NCOR2: variants seen among roughly 807,000 people sequenced by gnomAD.
The protein encoded by NCOR2 is CTG repeat protein 26.
Under a neutral mutation model 262.9 loss-of-function variants are expected in NCOR2, and 81 were observed. That is an observed-to-expected ratio of 0.31 (90% CI 0.26 to 0.37). The LOEUF is 0.37. Ranked by LOEUF, NCOR2 falls within the 10% of genes least tolerant of loss-of-function variation. The pLI, the probability that NCOR2 is intolerant of heterozygous loss-of-function variation, is 1.00. For missense variants in NCOR2, 3,385 were observed against 3,621.4 expected (o/e 0.93, Z 1.68); for synonymous variants, 1,659 against 1,559.3 (o/e 1.06, Z -1.51).
At chr12:124,383,408 G>A (rs963811811) in intron 17 of NCOR2, 3 of 383,694 alleles carry the variant, frequency 7.8e-6, no homozygotes, top group South Asian at 1.8e-4. Context: ...CTGCATGTTC[G>A]TCCACGCCAG....
intron 17 of NCOR2, among the ~76,000 whole-genome samples, chr12:124,381,646 TGAG>T (rs2040417120): frequency 6.6e-6 from 1 of 152,232 alleles, no homozygotes; most frequent in Admixed American, 6.5e-5. Context: ...GCTCATGAGT[TGAG>T]GAGCTCAGAT....
At position 124,429,364 on chromosome 12, in the gene NCOR2, G is replaced by A. The variant is rs1239906447; in HGVS notation, c.1149+249C>T. ...TCCCTGTTGTGGCATCTGGATGGGG[G>A]AGCGCCAGGGCCCTCCCTGCAGGGG... On this transcript the variant is annotated intron_variant, in intron 10 of 46. Transcript: ENST00000405201. The A allele has an allele frequency of 1.1e-5, 6 of 531,710 alleles. No homozygotes were observed. In the East Asian group the frequency reaches 1.9e-4, roughly 17 times the overall value. The allele number at this position is 531,710 out of a possible 1,614,324, so 32.9% of individuals were successfully genotyped here.
intron 1 of NCOR2, among the ~76,000 whole-genome samples, chr12:124,500,374 G>A (rs553629410): frequency 1.1e-4 from 16 of 152,120 alleles, no homozygotes; most frequent in Admixed American, 9.8e-4. Context: ...AGTGCCCCCC[G>A]CCCCCACTGC....
At chr12:124,370,868 T>C (rs2039441996) in intron 20 of NCOR2, among the ~76,000 whole-genome samples, 3 of 152,050 alleles carry the variant, frequency 2.0e-5, no homozygotes, top group Non-Finnish European at 2.9e-5. Flanking sequence ...GGAGAGGAAT[T>C]TGCAAGGGGA....
At chr12:124,404,975 C>T (rs2042201133) in intron 13 of NCOR2, among the ~76,000 whole-genome samples, 1 of 152,218 alleles carries the variant, frequency 6.6e-6, no homozygotes, top group Non-Finnish European at 1.5e-5. Context: ...GGAGCAAAGG[C>T]TGACGGCCCA....
upstream of NCOR2, among the ~76,000 whole-genome samples, chr12:124,496,611 C>T (rs2048395140): frequency 2.6e-5 from 4 of 152,134 alleles, no homozygotes; most frequent in African/African-American, 9.7e-5. The surrounding 1 kb of genome is among the most constrained non-coding windows in gnomAD (Gnocchi z 4.4). Context: ...CCGTCCTTCT[C>T]CAAGCAGGAA....
rs374029901 is a variant in NCOR2 at position 124,356,171 on chromosome 12, C to T, written c.3241+471G>A. On this transcript the variant is annotated intron_variant, in intron 23 of 46. Coordinates refer to ENST00000405201, the Ensembl canonical transcript of NCOR2. ...CTGTTCTTCTGGCTCCCTTGGCCCA[C>T]GCATCCCTCGGGACCAGCCTTTACC... 1.4e-4 allele frequency among the ~76,000 whole-genome samples: 21 copies of T among 152,356 alleles called. No individual in the cohort carries two copies. In the East Asian group the frequency reaches 3.7e-3, roughly 27 times the overall value.
At chr12:124,512,169 C>A (rs1301781358) in intron 1 of NCOR2, among the ~76,000 whole-genome samples, 4 of 152,222 alleles carry the variant, frequency 2.6e-5, no homozygotes, top group African/African-American at 9.6e-5. Flanking sequence ...ACCTCGGCCT[C>A]CCAAAGTGCT....
chr12:124,434,938 G>A lies in NCOR2; in HGVS notation c.882+2992C>T, dbSNP rs576799032. Among the ~76,000 whole-genome samples the A allele has an allele frequency of 3.3e-5, 5 of 152,314 alleles. No homozygotes were observed. The South Asian group carries it at 8.3e-4, about 25-fold the overall frequency. On this transcript the variant is annotated intron_variant, in intron 8 of 46. Transcript: ENST00000405201. Reference sequence around the variant, plus strand: ...TCAAATTTCTTAGAATAAGGACTTTGGATTCTTTACTACAAATACATGTAT... The same window carrying A: ...TCAAATTTCTTAGAATAAGGACTTTAGATTCTTTACTACAAATACATGTAT...
Position 124,481,781 on chromosome 12 carries a change from G to T in NCOR2, c.411+1815C>A, listed in dbSNP as rs145539688. 1.3e-5 allele frequency among the ~76,000 whole-genome samples: 2 copies of T among 152,130 alleles called. No individual in the cohort carries two copies. The highest frequency in any genetic ancestry group is 6.5e-5 in the Admixed American group (1 of 15,284). ...GAGCCATGGATGGTTTGGAGCACAG[G>T]GGGGAACACACAGGGGGATGCAGTC... On this transcript the variant is annotated intron_variant, in intron 3 of 46. Transcript: ENST00000405201. This position sits in a 1 kb window ranked among gnomAD's most constrained non-coding sequence, Gnocchi z 4.6.
intron 13 of NCOR2, among the ~76,000 whole-genome samples, chr12:124,418,697 GT>G: frequency 6.6e-6 from 1 of 152,172 alleles, no homozygotes; most frequent in East Asian, 1.9e-4. Context: ...CCACACAAAG[GT>G]TTGTCCAAAG....
intron 1 of NCOR2, among the ~76,000 whole-genome samples, chr12:124,550,299 C>G (rs745378466): frequency 3.3e-5 from 5 of 152,208 alleles, no homozygotes; most frequent in Non-Finnish European, 7.3e-5. Context: ...TCACAGGGCT[C>G]AGAGAGGCAA....
chr12:124,451,609 C>T (rs994878605), intron 6 of NCOR2, among the ~76,000 whole-genome samples: 1 of 152,164 alleles, frequency 6.6e-6, no homozygotes, highest in African/African-American at 2.4e-5. Flanking sequence ...GTCCCTCTCC[C>T]TCTCACACAC....
intron 26 of NCOR2, 87 bp downstream of exon 28, chr12:124,354,391 C>A (rs1016267329): frequency 1.7e-5 from 22 of 1,290,964 alleles, no homozygotes; most frequent in African/African-American, 3.0e-5. Flanking sequence ...GGAGATGACA[C>A]TTCCCAGCAG....
intron 8 of NCOR2, among the ~76,000 whole-genome samples, chr12:124,431,703 GACAC>G (rs1019719305): frequency 2.0e-5 from 3 of 149,900 alleles, no homozygotes; most frequent in Non-Finnish European, 4.4e-5. Context: ...TACAGTCACA[GACAC>G]ACACAGTCAC....
At chr12:124,330,581 G>A (rs1370429814) in intron 44 of NCOR2, among the ~76,000 whole-genome samples, 5 of 152,224 alleles carry the variant, frequency 3.3e-5, no homozygotes, top group Non-Finnish European at 5.9e-5. Context: ...CAGCTGGTGA[G>A]GGTGCATCTG....
intron 6 of NCOR2, among the ~76,000 whole-genome samples, chr12:124,456,145 G>C (rs1413384739): frequency 2.6e-5 from 4 of 152,198 alleles, no homozygotes; most frequent in Non-Finnish European, 5.9e-5. Context: ...CATAGCACTG[G>C]GATTACAGGT....
At chr12:124,399,423 A>G (rs1460267444) in intron 15 of NCOR2, among the ~76,000 whole-genome samples, 24 of 152,170 alleles carry the variant, frequency 1.6e-4, no homozygotes, top group Admixed American at 1.6e-3. Flanking sequence ...TCAGGCAGGA[A>G]GAAAGCCCTT....
chr12:124,472,671 A>G (rs1342226426), intron 4 of NCOR2, among the ~76,000 whole-genome samples: 1 of 152,242 alleles, frequency 6.6e-6, no homozygotes, highest in Admixed American at 6.5e-5. Context: ...AGGCACATTT[A>G]ATACGTATAT....
Sources: allele counts gnomAD v4.1 joint callset (sites outside exome capture counted in the v4.1 genomes callset), GRCh38; gene constraint gnomAD v4.1.1; non-coding constraint Gnocchi (gnomAD v3.1); transcripts MANE v1.5; gene names NCBI Gene and HGNC (gene_info 2026-07-23, HGNC 2026-07-21).